EBF2: variants seen among roughly 807,000 people sequenced by gnomAD.
The protein encoded by EBF2 is EBF transcription factor 2.
Under a neutral mutation model 72.8 loss-of-function variants are expected in EBF2, and 21 were observed. The ratio of observed to expected loss-of-function variants is 0.29; its 90% CI spans 0.20 to 0.42. The LOEUF (loss-of-function observed/expected upper bound fraction) is 0.42. EBF2 is among the 10% of genes least tolerant of loss of function. The pLI, the probability that EBF2 is intolerant of heterozygous loss-of-function variation, is 1.00. For missense variants in EBF2, 637 were observed against 731.2 expected (o/e 0.87, Z 1.49); for synonymous variants, 299 against 274.2 (o/e 1.09, Z -0.89).
intron 5 of EBF2, among the ~76,000 whole-genome samples, chr8:26,039,049 G>A (rs1696288990): frequency 6.6e-6 from 1 of 151,982 alleles, no homozygotes; most frequent in Admixed American, 6.6e-5. Flanking sequence ...CATGTATGGA[G>A]CAGACATTTA....
chr8:25,984,157 G>A (rs536125643), intron 6 of EBF2, among the ~76,000 whole-genome samples: 4 of 152,248 alleles, frequency 2.6e-5, no homozygotes, highest in East Asian at 1.9e-4. Context: ...TCCGGAATGC[G>A]AAACCGAGAA....
chr8:25,863,435 T>C (rs1255536103), intron 10 of EBF2, among the ~76,000 whole-genome samples: 1 of 152,166 alleles, frequency 6.6e-6, no homozygotes, highest in Non-Finnish European at 1.5e-5. Flanking sequence ...TGTCAGTAAT[T>C]ATAAAACGAG....
intron 10 of EBF2, among the ~76,000 whole-genome samples, chr8:25,864,887 GC>G (rs1316131784): frequency 6.7e-6 from 1 of 149,676 alleles, no homozygotes; most frequent in African/African-American, 2.5e-5. Context: ...AACCTCCACT[GC>G]CCGGGTTCAA....
chr8:25,843,600 A>G lies in EBF2; in HGVS notation c.*1009T>C, dbSNP rs1259814256. The G allele has an allele frequency of 2.0e-5, 3 of 152,410 alleles. No individual in the cohort carries two copies. The highest frequency in any genetic ancestry group is 7.2e-5 in the African/African-American group (3 of 41,594). 9.4% of individuals were successfully genotyped at this position (152,410 alleles called of 1,614,324 possible). On this transcript the variant is annotated 3_prime_UTR_variant, in exon 16 of 16. Coordinates refer to ENST00000520164, the MANE Select transcript of EBF2 (RefSeq NM_022659.4). Reference sequence around the variant, plus strand: ...CCTTGGGATGCTGAAAGCCTGAGACAGACTCAAACATGGGAATTCTCTGGA... The same window carrying G: ...CCTTGGGATGCTGAAAGCCTGAGACGGACTCAAACATGGGAATTCTCTGGA...
At chr8:26,002,864 GGGCAGGCGGGCAGGCGGGCAGGCGGGCA>G (rs1251663637) in intron 6 of EBF2, among the ~76,000 whole-genome samples, 73 of 85,276 alleles carry the variant, frequency 8.6e-4, no homozygotes, top group Admixed American at 3.3e-3. Flanking sequence ...GCGGGCAGGC[GGGCAGGCGGGCAGGCGGGCAGGCGGGCA>G]GGCAGGCGGG....
At chr8:25,947,708 A>T (rs17237257) in intron 6 of EBF2, among the ~76,000 whole-genome samples, 4 of 152,040 alleles carry the variant, frequency 2.6e-5, no homozygotes, top group Non-Finnish European at 5.9e-5. Flanking sequence ...TTTCTTGCAC[A>T]TGCACAAGGA....
chr8:25,973,475 A>G (rs1299908504), intron 6 of EBF2, among the ~76,000 whole-genome samples: 1 of 152,170 alleles, frequency 6.6e-6, no homozygotes, highest in Non-Finnish European at 1.5e-5. Flanking sequence ...CTTCCCTTTG[A>G]AAATTTAGGA....
At chr8:25,863,325 C>A (rs544320230) in intron 10 of EBF2, among the ~76,000 whole-genome samples, 1 of 152,096 alleles carries the variant, frequency 6.6e-6, no homozygotes, top group African/African-American at 2.4e-5. Flanking sequence ...ATTACACCCA[C>A]GTCTGGTAAC....
At chr8:25,981,726 G>A (rs1379823075) in intron 6 of EBF2, among the ~76,000 whole-genome samples, 2 of 151,242 alleles carry the variant, frequency 1.3e-5, no homozygotes, top group African/African-American at 4.9e-5. Context: ...AACCTGGGAG[G>A]CAGAGGTTGC....
intron 5 of EBF2, among the ~76,000 whole-genome samples, chr8:26,038,078 C>T (rs1805533617): frequency 1.3e-5 from 2 of 152,186 alleles, no homozygotes; most frequent in African/African-American, 2.4e-5. Flanking sequence ...ACTTTTCCCC[C>T]TTCCTGGAGT....
At chr8:25,946,819 G>A (rs1341475582) in intron 6 of EBF2, among the ~76,000 whole-genome samples, 1 of 152,138 alleles carries the variant, frequency 6.6e-6, no homozygotes, top group Non-Finnish European at 1.5e-5. Context: ...TTCAATAAAT[G>A]TATTCCATCT....
chr8:26,022,579 A>G (rs751665485), intron 6 of EBF2, among the ~76,000 whole-genome samples: 11 of 152,118 alleles, frequency 7.2e-5, no homozygotes, highest in Non-Finnish European at 1.0e-4. Context: ...TGTTTGTTCC[A>G]TCTCTGCAAA....
At chr8:26,028,085 A>G (rs553415840) in intron 6 of EBF2, among the ~76,000 whole-genome samples, 1 of 152,350 alleles carries the variant, frequency 6.6e-6, no homozygotes, top group Admixed American at 6.5e-5. Flanking sequence ...CATGCCACCA[A>G]ACTACACACT....
At chr8:26,043,284 G>A (rs924976549) in intron 1 of EBF2, among the ~76,000 whole-genome samples, 2 of 152,268 alleles carry the variant, frequency 1.3e-5, no homozygotes, top group Non-Finnish European at 1.5e-5. Context: ...GGTCTCCCAG[G>A]TTGAACCCCG....
intron 14 of EBF2, among the ~76,000 whole-genome samples, chr8:25,853,349 C>T (rs1280779288): frequency 1.3e-5 from 2 of 151,678 alleles, no homozygotes; most frequent in Non-Finnish European, 2.9e-5. Context: ...AAAAGAAAAA[C>T]GCCCCAAGAG....
chr8:25,854,605 T>C (rs1431151114), intron 14 of EBF2, among the ~76,000 whole-genome samples: 1 of 152,202 alleles, frequency 6.6e-6, no homozygotes, highest in Non-Finnish European at 1.5e-5. Flanking sequence ...TCCTCCTTTT[T>C]ACCTATACGT....
chr8:25,862,669 A>G (rs1802231315), intron 11 of EBF2, 40 bp downstream of exon 11: 1 of 1,504,970 alleles, frequency 6.6e-7, no homozygotes, highest in Non-Finnish European at 9.0e-7. Context: ...CTGAAATTCT[A>G]CACAAATGGC....
In EBF2 at chr8:25,887,235, C is replaced by T. The variant is rs567810208; in HGVS notation, c.883-354G>A. On this transcript the variant is annotated intron_variant, in intron 9 of 15. Transcript: ENST00000520164. The stretch of plus-strand genomic sequence containing the variant: ...ACAAGCCCAGGCCAAGTCCCTCCCA[C>T]CTCCTGCTGCCAACCCCACCCTCAC... 3.3e-5 allele frequency among the ~76,000 whole-genome samples: 5 copies of T among 152,182 alleles called. No homozygotes were observed. The South Asian group carries it at 6.2e-4, about 19-fold the overall frequency.
intron 7 of EBF2, among the ~76,000 whole-genome samples, chr8:25,893,480 G>T (rs1291638366): frequency 6.6e-6 from 1 of 151,838 alleles, no homozygotes; most frequent in East Asian, 1.9e-4. Flanking sequence ...GTTTTACCAT[G>T]TTGGCCAGGC....
Sources: gnomAD v4.1 joint callset for allele counts (sites outside exome capture counted in the v4.1 genomes callset) on GRCh38, gnomAD v4.1.1 for gene constraint, MANE v1.5 for transcripts, NCBI Gene and HGNC (gene_info 2026-07-23, HGNC 2026-07-21) for gene names.